ERC2: variants seen among roughly 807,000 people sequenced by gnomAD.
ERC2 encodes the protein ELKS/RAB6-interacting/CAST family member 2, also known as ERC protein 2.
ERC2 carries 42 observed loss-of-function variants against 114.8 expected under a neutral mutation model. The observed-to-expected ratio is 0.37, with a 90% CI of 0.29 to 0.47. The LOEUF (loss-of-function observed/expected upper bound fraction) is 0.47, where lower values mean the gene tolerates loss of function less well. ERC2 is among the 20% of genes least tolerant of loss of function. The pLI, the probability that ERC2 is intolerant of heterozygous loss-of-function variation, is 0.99. For missense variants in ERC2, 939 were observed against 1,150.7 expected, an observed-to-expected ratio of 0.82 and a Z score of 2.66; for synonymous variants, 454 against 425.5, an observed-to-expected ratio of 1.07 and a Z score of -0.82.
chr3:55,530,735 T>C (rs1381928918), intron 17 of ERC2, among the ~76,000 whole-genome samples: 1 of 152,156 alleles, frequency 6.6e-6, no homozygotes, highest in East Asian at 1.9e-4. Flanking sequence ...TGGTTGGAAA[T>C]AGAGCACCTG....
At chr3:55,612,754 C>T (rs577043433) in intron 17 of ERC2, 1 of 152,064 alleles carries the variant, frequency 6.6e-6, no homozygotes, top group Non-Finnish European at 1.5e-5. Flanking sequence ...TAAAGTTCAA[C>T]GATTTTAAGT....
intron 14 of ERC2, among the ~76,000 whole-genome samples, chr3:55,824,863 C>G (rs1350599291): frequency 6.6e-6 from 1 of 152,184 alleles, no homozygotes; most frequent in African/African-American, 2.4e-5. Flanking sequence ...GCTTCTCCTG[C>G]CCAAACGTGG....
chr3:56,452,855 G>A (rs1038968866), intron 1 of ERC2, among the ~76,000 whole-genome samples: 1 of 152,218 alleles, frequency 6.6e-6, no homozygotes, highest in African/African-American at 2.4e-5. Context: ...GAAGGCAGAA[G>A]TACTTAGCAC....
At chr3:56,313,037 T>TATATATA (rs2056680454) in intron 2 of ERC2, among the ~76,000 whole-genome samples, 1 of 130,246 alleles carries the variant, frequency 7.7e-6, no homozygotes, top group Non-Finnish European at 1.6e-5. Flanking sequence ...TATATATATA[T>TATATATA]GGGGTGGGAG....
chr3:56,038,977 G>A (rs2074974975), intron 7 of ERC2, among the ~76,000 whole-genome samples: 2 of 152,106 alleles, frequency 1.3e-5, no homozygotes, highest in South Asian at 4.1e-4. Flanking sequence ...TAGCTAATGT[G>A]TGCTGGGCTT....
At chr3:56,399,775 A>T (rs1253206918) in intron 2 of ERC2, among the ~76,000 whole-genome samples, 1 of 152,048 alleles carries the variant, frequency 6.6e-6, no homozygotes, top group Non-Finnish European at 1.5e-5. Context: ...TGAAAAAAAA[A>T]GGAACTTGGT....
intron 14 of ERC2, among the ~76,000 whole-genome samples, chr3:55,851,714 C>A (rs1187575800): frequency 6.6e-6 from 1 of 151,686 alleles, no homozygotes; most frequent in East Asian, 1.9e-4. Context: ...CCAAAAATCC[C>A]ATCTACTCTC....
At chr3:55,837,653 A>C (rs1472606613) in intron 14 of ERC2, among the ~76,000 whole-genome samples, 2 of 151,994 alleles carry the variant, frequency 1.3e-5, no homozygotes, top group Non-Finnish European at 2.9e-5. Flanking sequence ...ACCTAATTCT[A>C]AATGACGAGT....
chr3:55,748,161 G>A (rs1317875276), intron 14 of ERC2, among the ~76,000 whole-genome samples: 2 of 152,198 alleles, frequency 1.3e-5, no homozygotes, highest in Non-Finnish European at 2.9e-5. Flanking sequence ...TCACAGAAGT[G>A]AAATTTCCAC....
chr3:55,669,055 G>C (rs537252279), intron 17 of ERC2, among the ~76,000 whole-genome samples: 2 of 152,300 alleles, frequency 1.3e-5, no homozygotes, highest in Admixed American at 6.5e-5. Flanking sequence ...AGGAGCACAA[G>C]AGCTTAGTTT....
intron 15 of ERC2, among the ~76,000 whole-genome samples, chr3:55,720,688 T>A (rs914830019): frequency 2.0e-5 from 3 of 152,134 alleles, no homozygotes; most frequent in Non-Finnish European, 4.4e-5. Context: ...GGGGACCCTA[T>A]GTTTGAACAC....
intron 17 of ERC2, among the ~76,000 whole-genome samples, chr3:55,641,714 T>C (rs1193727759): frequency 1.3e-5 from 2 of 152,288 alleles, no homozygotes; most frequent in Middle Eastern, 3.4e-3. Context: ...TCCCTACTGA[T>C]GCCTCTCTCC....
chr3:55,984,038 A>G (rs572734153), intron 12 of ERC2, among the ~76,000 whole-genome samples: 18 of 152,352 alleles, frequency 1.2e-4, no homozygotes, highest in African/African-American at 4.1e-4. Context: ...CACTAAAAAT[A>G]TAACCAGAGA....
intron 2 of ERC2, among the ~76,000 whole-genome samples, chr3:56,392,453 G>C (rs191682818): frequency 6.6e-6 from 1 of 151,978 alleles, no homozygotes; most frequent in South Asian, 2.1e-4. Context: ...GCATGTGCAC[G>C]GTGACTCAAA....
At chr3:56,085,459 T>G (rs1002448217) in intron 6 of ERC2, among the ~76,000 whole-genome samples, 55 of 152,272 alleles carry the variant, frequency 3.6e-4, no homozygotes, top group African/African-American at 1.2e-3. Flanking sequence ...GCTGTGCCCC[T>G]TCTCACATAA....
intron 2 of ERC2, among the ~76,000 whole-genome samples, chr3:56,368,184 T>TAAA (rs779938850): frequency 0.028 from 2,433 of 87,908 alleles, 28 homozygotes; most frequent in African/African-American, 0.037. Flanking sequence ...TCTTTTTTTT[T>TAAA]TAAAAAAAAA....
At chr3:55,521,623 G>C (rs796372129) in intron 17 of ERC2, among the ~76,000 whole-genome samples, 1 of 152,256 alleles carries the variant, frequency 6.6e-6, no homozygotes, top group Non-Finnish European at 1.5e-5. Context: ...GCAGAGCCCT[G>C]ATGTAACTGC....
chr3:55,701,831 G>A (rs149689207), intron 15 of ERC2, among the ~76,000 whole-genome samples: 1 of 152,140 alleles, frequency 6.6e-6, no homozygotes, highest in African/African-American at 2.4e-5. Context: ...AGTATTGTCA[G>A]GATCCTGTAC....
intron 5 of ERC2, among the ~76,000 whole-genome samples, chr3:56,140,210 G>T (rs1224246528): frequency 1.3e-5 from 2 of 151,996 alleles, no homozygotes; most frequent in Non-Finnish European, 2.9e-5. Flanking sequence ...GAGGAAAAAT[G>T]ACCCAAAAAA....
Sources: allele counts gnomAD v4.1 joint callset (sites outside exome capture counted in the v4.1 genomes callset), GRCh38; gene constraint gnomAD v4.1.1; transcripts MANE v1.5; gene names NCBI Gene and HGNC (gene_info 2026-07-23, HGNC 2026-07-21).